Variants in FCHSD2 observed in about 807,000 individuals in gnomAD.
FCHSD2 encodes FCH and double SH3 domains 2.
FCHSD2 carries 38 observed loss-of-function variants against 108.1 expected under a neutral mutation model. The observed-to-expected ratio is 0.35, with a 90% CI of 0.27 to 0.46. The LOEUF (loss-of-function observed/expected upper bound fraction) is 0.46. Ranked by LOEUF, FCHSD2 falls within the 20% of genes least tolerant of loss-of-function variation. The pLI is 1.00. For synonymous variants in FCHSD2, 279 were observed against 314.7 expected (o/e 0.89, Z 1.20); for missense variants, 751 against 897.8 (o/e 0.84, Z 2.09).
At chr11:73,107,451 A>C (rs188349089) in intron 2 of FCHSD2, among the ~76,000 whole-genome samples, 428 of 152,352 alleles carry the variant, frequency 2.8e-3, no homozygotes, top group Non-Finnish European at 4.7e-3. Flanking sequence ...ATCACATTAG[A>C]GTAAATGGGG....
chr11:73,110,852 T>C (rs1860466546), intron 2 of FCHSD2, among the ~76,000 whole-genome samples: 1 of 152,022 alleles, frequency 6.6e-6, no homozygotes, highest in Non-Finnish European at 1.5e-5. Flanking sequence ...ATCTCATGGG[T>C]TGTTGGTATG....
intron 3 of FCHSD2, among the ~76,000 whole-genome samples, chr11:73,068,344 G>A (rs1859345931): frequency 6.7e-6 from 1 of 149,216 alleles, no homozygotes; most frequent in African/African-American, 2.5e-5. Flanking sequence ...TGGAGGGAGG[G>A]TGGGGTAGGG....
At chr11:73,114,922 A>G (rs958534369) in intron 2 of FCHSD2, among the ~76,000 whole-genome samples, 13 of 152,262 alleles carry the variant, frequency 8.5e-5, no homozygotes, top group African/African-American at 2.2e-4. Flanking sequence ...CTCGGACGCC[A>G]TGGCTGGTGT....
intron 3 of FCHSD2, among the ~76,000 whole-genome samples, chr11:73,036,863 C>T (rs1285928464): frequency 1.3e-5 from 2 of 152,132 alleles, no homozygotes; most frequent in Admixed American, 6.5e-5. Context: ...TTCTGTAATA[C>T]ACATATTCTG....
chr11:73,045,956 C>T (rs1185874660), intron 3 of FCHSD2, among the ~76,000 whole-genome samples: 1 of 145,434 alleles, frequency 6.9e-6, no homozygotes, highest in African/African-American at 2.6e-5. Flanking sequence ...CAAAAAACAT[C>T]TCTTGCTTAT....
chr11:72,905,458 C>T (rs918610199), intron 9 of FCHSD2, among the ~76,000 whole-genome samples: 2 of 152,060 alleles, frequency 1.3e-5, no homozygotes, highest in African/African-American at 4.8e-5. Context: ...TTTTATTATA[C>T]TTTCAGTTCT....
chr11:73,001,267 C>A, intron 4 of FCHSD2, 133 bp from the exon 5 acceptor site: 1 of 733,064 alleles, frequency 1.4e-6, no homozygotes, highest in Non-Finnish European at 2.3e-6. Flanking sequence ...GGCTTATAGG[C>A]AATATGTCAG....
At chr11:73,108,663 G>T (rs1042530025) in intron 2 of FCHSD2, among the ~76,000 whole-genome samples, 1 of 152,160 alleles carries the variant, frequency 6.6e-6, no homozygotes, top group Non-Finnish European at 1.5e-5. Flanking sequence ...CCGCTTCCCG[G>T]GTTCACGCCA....
At chr11:73,086,501 CAA>C (rs1282401574) in intron 2 of FCHSD2, among the ~76,000 whole-genome samples, 3 of 152,028 alleles carry the variant, frequency 2.0e-5, no homozygotes, top group African/African-American at 7.2e-5. Context: ...AAATTAAACC[CAA>C]AGTTAGCAGA....
chr11:72,961,793 T>C (rs538111179), intron 8 of FCHSD2, among the ~76,000 whole-genome samples: 8 of 152,354 alleles, frequency 5.3e-5, no homozygotes, highest in African/African-American at 1.7e-4. Flanking sequence ...TATAGAATTA[T>C]GTAACTTAGT....
intron 3 of FCHSD2, among the ~76,000 whole-genome samples, chr11:73,041,488 T>C (rs1270138685): frequency 6.6e-6 from 1 of 152,228 alleles, no homozygotes; most frequent in Non-Finnish European, 1.5e-5. Context: ...TTAGTGATGC[T>C]GAGCATTTTT....
At chr11:72,967,819 G>C (rs945938661) in intron 8 of FCHSD2, among the ~76,000 whole-genome samples, 4 of 149,520 alleles carry the variant, frequency 2.7e-5, no homozygotes, top group African/African-American at 9.9e-5. Context: ...GGCTGGGTGC[G>C]GGTGGCTCAT....
intron 8 of FCHSD2, 119 bp downstream of exon 8, chr11:72,983,969 G>A (rs1474266214): frequency 2.6e-6 from 2 of 773,434 alleles, no homozygotes; most frequent in East Asian, 2.7e-5. Flanking sequence ...ATATTCCAAT[G>A]AGATGCAACA....
chr11:72,940,522 G>A, intron 8 of FCHSD2: 2 of 885,528 alleles, frequency 2.3e-6, no homozygotes, highest in Non-Finnish European at 3.8e-6. Flanking sequence ...GCACATCCAG[G>A]AGCTATGGAG....
At chr11:73,038,063 T>C (rs988008128) in intron 3 of FCHSD2, among the ~76,000 whole-genome samples, 49 of 152,300 alleles carry the variant, frequency 3.2e-4, no homozygotes, top group African/African-American at 1.2e-3. Context: ...GTTTTCCAGC[T>C]GAAATATTAA....
At chr11:72,847,183 A>T (rs889945119) in intron 14 of FCHSD2, among the ~76,000 whole-genome samples, 1 of 152,122 alleles carries the variant, frequency 6.6e-6, no homozygotes, top group African/African-American at 2.4e-5. Flanking sequence ...TTTTCTGTAG[A>T]GACCAGGTTT....
intron 2 of FCHSD2, among the ~76,000 whole-genome samples, chr11:73,100,580 C>A (rs1860200004): frequency 6.6e-6 from 1 of 152,114 alleles, no homozygotes; most frequent in African/African-American, 2.4e-5. Context: ...TCAGGCTGGT[C>A]TGGAACTCTC....
chr11:72,952,609 G>A (rs945871642), intron 8 of FCHSD2, among the ~76,000 whole-genome samples: 1 of 152,164 alleles, frequency 6.6e-6, no homozygotes, highest in Non-Finnish European at 1.5e-5. Context: ...ACAGATATGA[G>A]CCACCATGCC....
chr11:72,998,728 T>G (rs1490253980), intron 5 of FCHSD2, among the ~76,000 whole-genome samples: 1 of 152,148 alleles, frequency 6.6e-6, no homozygotes, highest in Non-Finnish European at 1.5e-5. Flanking sequence ...TTGCTTAATA[T>G]CACCAACCAT....
Sources: allele counts gnomAD v4.1 joint callset (sites outside exome capture counted in the v4.1 genomes callset), GRCh38; gene constraint gnomAD v4.1.1; transcripts MANE v1.5; gene names NCBI Gene and HGNC (gene_info 2026-07-23, HGNC 2026-07-21).